NELL2: variants seen among roughly 807,000 people sequenced by gnomAD.
NELL2 encodes the protein neural EGFL like 2.
Under a neutral mutation model 109.6 loss-of-function variants are expected in NELL2, and 41 were observed. The ratio of observed to expected loss-of-function variants is 0.37; its 90% CI spans 0.29 to 0.49. The LOEUF (loss-of-function observed/expected upper bound fraction) is 0.49, where lower values mean the gene tolerates loss of function less well. Among genes scored for constraint, NELL2 ranks in the 20% least tolerant of loss-of-function variants. The probability of loss-of-function intolerance (pLI) is 0.98; values close to 1 mark genes in which losing one functional copy is unlikely to be tolerated. For missense variants in NELL2, 900 were observed against 1,008.3 expected, an observed-to-expected ratio of 0.89 and a Z score of 1.45; for synonymous variants, 355 against 344.7, an observed-to-expected ratio of 1.03 and a Z score of -0.33.
At chr12:44,603,572 G>C (rs2136241700) in intron 15 of NELL2, among the ~76,000 whole-genome samples, 2 of 152,180 alleles carry the variant, frequency 1.3e-5, no homozygotes, top group Middle Eastern at 3.4e-3. Context: ...TAATCACCCT[G>C]CTAAATCCAA....
intron 19 of NELL2, 22 bp from the exon 20 acceptor site, chr12:44,509,006 A>G: frequency 2.5e-6 from 4 of 1,602,934 alleles, no homozygotes; most frequent in Non-Finnish European, 3.4e-6. Flanking sequence ...AAAAGTAGAA[A>G]GAAAAACAGT....
chr12:44,864,021 G>A (rs4238095), intron 2 of NELL2, among the ~76,000 whole-genome samples: 121,366 of 151,964 alleles, frequency 0.8, 48,915 homozygotes, highest in Middle Eastern at 0.94. Context: ...AATGTTTTAC[G>A]TAAGCCTTGT....
At chr12:44,691,874 C>G (rs1298323079) in intron 12 of NELL2, among the ~76,000 whole-genome samples, 1 of 152,124 alleles carries the variant, frequency 6.6e-6, no homozygotes, top group Non-Finnish European at 1.5e-5. Context: ...AAGTTTAAAG[C>G]TAGCAGAAGT....
At chr12:44,592,696 C>T (rs538639838) in intron 15 of NELL2, among the ~76,000 whole-genome samples, 2 of 151,932 alleles carry the variant, frequency 1.3e-5, no homozygotes, top group African/African-American at 2.4e-5. Context: ...TTGAGGGCCC[C>T]TCAGGAAAAA....
intron 9 of NELL2, among the ~76,000 whole-genome samples, chr12:44,725,338 C>T (rs186357061): frequency 4.6e-5 from 7 of 152,064 alleles, no homozygotes; most frequent in Admixed American, 6.6e-5. Flanking sequence ...AGACAACCTA[C>T]AAAATGAAAG....
At chr12:44,696,219 TAGATGTCTA>T (rs1293329219) in intron 12 of NELL2, among the ~76,000 whole-genome samples, 1 of 152,220 alleles carries the variant, frequency 6.6e-6, no homozygotes, top group African/African-American at 2.4e-5. Context: ...TTACTTGAAC[TAGATGTCTA>T]AGATGTCTAA....
chr12:44,727,557 A>G (rs1387539677), intron 9 of NELL2, among the ~76,000 whole-genome samples: 1 of 152,078 alleles, frequency 6.6e-6, no homozygotes, highest in Non-Finnish European at 1.5e-5. Context: ...AGAAAAGCAG[A>G]AAGAGAGAGG....
intron 15 of NELL2, among the ~76,000 whole-genome samples, chr12:44,604,203 G>C (rs1303141748): frequency 6.6e-6 from 1 of 151,866 alleles, no homozygotes; most frequent in African/African-American, 2.4e-5. Context: ...AGAAAGAGAA[G>C]GAGGGAGGAA....
chr12:44,586,827 C>T (rs1944525446), intron 15 of NELL2, among the ~76,000 whole-genome samples: 1 of 152,092 alleles, frequency 6.6e-6, no homozygotes, highest in Non-Finnish European at 1.5e-5. Context: ...AACGATGTTG[C>T]CCAATTTTCT....
At chr12:44,824,120 A>G (rs1391099738) in intron 2 of NELL2, among the ~76,000 whole-genome samples, 1 of 152,206 alleles carries the variant, frequency 6.6e-6, no homozygotes, top group Non-Finnish European at 1.5e-5. Context: ...AATTTCTTAT[A>G]TATTTTGGAT....
chr12:44,795,306 C>T (rs976892763), intron 3 of NELL2, among the ~76,000 whole-genome samples: 1 of 152,144 alleles, frequency 6.6e-6, no homozygotes, highest in Non-Finnish European at 1.5e-5. Flanking sequence ...ATCAGTGTAG[C>T]TTATGGATGG....
At chr12:44,521,391 G>A (rs562685050) in intron 18 of NELL2, among the ~76,000 whole-genome samples, 4 of 151,166 alleles carry the variant, frequency 2.6e-5, no homozygotes, top group African/African-American at 4.8e-5. Flanking sequence ...TTAGCCGGGC[G>A]TAGTGGCGGG....
chr12:44,763,822 T>C (rs1941220177), intron 9 of NELL2, among the ~76,000 whole-genome samples: 1 of 152,200 alleles, frequency 6.6e-6, no homozygotes, highest in Non-Finnish European at 1.5e-5. Flanking sequence ...TAAATTTTTC[T>C]AATGCTGTAT....
intron 13 of NELL2, among the ~76,000 whole-genome samples, chr12:44,639,417 T>C (rs1946766447): frequency 6.6e-6 from 1 of 152,182 alleles, no homozygotes; most frequent in Non-Finnish European, 1.5e-5. Context: ...CGCAGCGCAC[T>C]CATAAATCAT....
At chr12:44,880,508 A>G (rs989318284), upstream of NELL2, among the ~76,000 whole-genome samples, 1 of 152,100 alleles carries the variant, frequency 6.6e-6, no homozygotes, top group African/African-American at 2.4e-5. Context: ...TAAACAAAAC[A>G]TGAATGTTAC....
chr12:44,894,041 G>GA (rs1235456528), intron 1 of NELL2, among the ~76,000 whole-genome samples: 1 of 151,966 alleles, frequency 6.6e-6, no homozygotes, highest in Non-Finnish European at 1.5e-5. Flanking sequence ...AATCTAACAG[G>GA]AAAAAAATAG....
chr12:44,773,354 T>C (rs571100852), intron 9 of NELL2, among the ~76,000 whole-genome samples: 3 of 152,118 alleles, frequency 2.0e-5, no homozygotes, highest in Non-Finnish European at 4.4e-5. Context: ...CAGGCACCTG[T>C]AGTCCCGACT....
chr12:44,787,760 A>G (rs199975459), intron 3 of NELL2, among the ~76,000 whole-genome samples: 255 of 60,282 alleles, frequency 4.2e-3, no homozygotes, highest in African/African-American at 7.1e-3. Flanking sequence ...ATGTTAAGGG[A>G]AAAAAAAAAA....
At chr12:44,512,003 G>T (rs1015752779) in intron 19 of NELL2, among the ~76,000 whole-genome samples, 3 of 152,076 alleles carry the variant, frequency 2.0e-5, no homozygotes, top group Non-Finnish European at 4.4e-5. Flanking sequence ...AAACTAAAAA[G>T]CTTCTGCACA....
Sources: allele counts gnomAD v4.1 joint callset (sites outside exome capture counted in the v4.1 genomes callset), GRCh38; gene constraint gnomAD v4.1.1; transcripts MANE v1.5; gene names NCBI Gene and HGNC (gene_info 2026-07-23, HGNC 2026-07-21).